The following CDKAL1 variants were observed in gnomAD, a reference collection of about 807,000 sequenced individuals.
CDKAL1 encodes CDKAL1 threonylcarbamoyladenosine tRNA methylthiotransferase.
A neutral mutation model predicts 68.2 loss-of-function variants in CDKAL1; 32 were observed. The ratio of observed to expected loss-of-function variants is 0.47; its 90% confidence interval spans 0.35 to 0.63. The LOEUF (loss-of-function observed/expected upper bound fraction) is 0.63, where lower values mean the gene tolerates loss of function less well. CDKAL1 is among the 30% of genes least tolerant of loss of function. The pLI is 0.00. For synonymous variants in CDKAL1, 234 were observed against 244.3 expected (o/e 0.96, Z 0.39); for missense variants, 606 against 696.7 (o/e 0.87, Z 1.47).
At chr6:20,955,346 A>G in intron 9 of CDKAL1, 73 bp from the exon 10 acceptor site, 1 of 1,462,586 alleles carries the variant, frequency 6.8e-7, no homozygotes. Context: ...ACTGCATTAA[A>G]AACAGTGAGC....
chr6:20,575,441 C>CAAAAAAAAAAAA (rs57442477), intron 4 of CDKAL1, among the ~76,000 whole-genome samples: 4 of 94,330 alleles, frequency 4.2e-5, no homozygotes, highest in Non-Finnish European at 6.5e-5. Context: ...AGGGGCACCA[C>CAAAAAAAAAAAA]AAAAAAAAAA....
chr6:20,805,025 T>TA (rs1326430676), intron 8 of CDKAL1, among the ~76,000 whole-genome samples: 1 of 152,016 alleles, frequency 6.6e-6, no homozygotes, highest in Non-Finnish European at 1.5e-5. Flanking sequence ...ACCCTGCCTC[T>TA]AAAAAACAAA....
At chr6:20,552,975 T>C (rs1763891863) in intron 4 of CDKAL1, among the ~76,000 whole-genome samples, 1 of 152,206 alleles carries the variant, frequency 6.6e-6, no homozygotes, top group Non-Finnish European at 1.5e-5. Context: ...TAGTTGATAA[T>C]GTTTTCGTTA....
rs371656162 is a variant in CDKAL1, at chr6:21,107,239, G to A, written c.1237-1162G>A. Among the ~76,000 whole-genome samples, 56 of 152,044 alleles carry A rather than the reference G, an allele frequency of 3.7e-4. No individual in the cohort carries two copies. The East Asian group carries it at 8.2e-3, about 22-fold the overall frequency. On this transcript the variant is annotated intron_variant, in intron 12 of 15. Transcript: ENST00000274695. ...TGGGATTACAGGCGTGAGCCACCGT[G>A]CCCGGCCAAAAAAGCCACTTTTATA...
At chr6:20,809,111 A>G (rs1288324899) in intron 8 of CDKAL1, among the ~76,000 whole-genome samples, 3 of 152,208 alleles carry the variant, frequency 2.0e-5, no homozygotes, top group Non-Finnish European at 4.4e-5. Context: ...AGTGGAAAGC[A>G]TAACAAAATC....
intron 10 of CDKAL1, among the ~76,000 whole-genome samples, chr6:20,996,416 A>C (rs1327071153): frequency 1.3e-5 from 2 of 152,212 alleles, no homozygotes; most frequent in East Asian, 3.8e-4. Context: ...TTACAGTGAG[A>C]AACGTGGGAC....
chr6:20,762,457 A>G (rs1581530704), intron 7 of CDKAL1, among the ~76,000 whole-genome samples: 1 of 152,168 alleles, frequency 6.6e-6, no homozygotes, highest in East Asian at 1.9e-4. Context: ...AAGGAGTTAC[A>G]TGATGTTTTT....
At chr6:20,715,093 T>G (rs1323374374) in intron 5 of CDKAL1, among the ~76,000 whole-genome samples, 1 of 152,210 alleles carries the variant, frequency 6.6e-6, no homozygotes, top group Non-Finnish European at 1.5e-5. Context: ...TTAGCAAAAA[T>G]TCTGAATATA....
At chr6:20,986,405 A>G (rs1766453025) in intron 10 of CDKAL1, among the ~76,000 whole-genome samples, 1 of 151,974 alleles carries the variant, frequency 6.6e-6, no homozygotes, top group Non-Finnish European at 1.5e-5. Context: ...TTTTTATTCT[A>G]TTTTTCTCAA....
intron 4 of CDKAL1, among the ~76,000 whole-genome samples, chr6:20,563,869 A>G (rs1394628426): frequency 6.6e-6 from 1 of 152,182 alleles, no homozygotes; most frequent in Non-Finnish European, 1.5e-5. Flanking sequence ...AAATTTGTTC[A>G]TTGCTTATAA....
Position 20,582,830 on chromosome 6 carries a change from T to C in CDKAL1, c.286+34125T>C, listed in dbSNP as rs111802498. Among the ~76,000 whole-genome samples the C allele has an allele frequency of 6.8e-3, 1,040 of 152,312 alleles. 5 individuals carry two copies. Among genetic ancestry groups the C allele is most frequent in the Non-Finnish European group, 0.011 (751 of 68,008 alleles). ...GCAATATCCCTAGGAGTTAAATCTG[T>C]GTTAAATCTCATCGCAGCTTTTACT... On this transcript the variant is annotated intron_variant, in intron 4 of 15. Coordinates refer to ENST00000274695, the MANE Select transcript of CDKAL1 (RefSeq NM_017774.3).
intron 9 of CDKAL1, among the ~76,000 whole-genome samples, chr6:20,915,180 G>A (rs1581821792): frequency 6.7e-6 from 1 of 149,030 alleles, no homozygotes; most frequent in African/African-American, 2.5e-5. Context: ...AAAAAAAAAA[G>A]GAAGAAAGAA....
intron 11 of CDKAL1, among the ~76,000 whole-genome samples, chr6:21,021,517 A>T (rs1041675401): frequency 1.3e-5 from 2 of 152,312 alleles, no homozygotes; most frequent in East Asian, 1.9e-4. Context: ...CATTGAAAAT[A>T]TTTTATTTTC....
In CDKAL1 at chr6:21,151,770, T is replaced by TA. The variant is rs571887129; in HGVS notation, c.1299+43308dup. On this transcript the variant is annotated intron_variant, in intron 13 of 15. Transcript: ENST00000274695. ...ACTTTTCAGGACAAGAGCCATATCTTACATTTCTCTAAATCCTCTGCAGTG... is the reference window on the plus strand; with the variant it reads ...ACTTTTCAGGACAAGAGCCATATCTTAACATTTCTCTAAATCCTCTGCAGTG... Among the ~76,000 whole-genome samples the TA allele has an allele frequency of 1.2e-4, 18 of 152,364 alleles. No homozygotes were observed. The East Asian group carries it at 3.5e-3, about 29-fold the overall frequency.
At chr6:21,170,421 C>T (rs1777333032) in intron 13 of CDKAL1, among the ~76,000 whole-genome samples, 1 of 152,144 alleles carries the variant, frequency 6.6e-6, no homozygotes, top group Non-Finnish European at 1.5e-5. Context: ...CCTCCAGCCC[C>T]TAGGTTCAAG....
chr6:20,986,336 A>G (rs556776356), intron 10 of CDKAL1, among the ~76,000 whole-genome samples: 1 of 152,308 alleles, frequency 6.6e-6, no homozygotes, highest in East Asian at 1.9e-4. Context: ...TTGTTTCAAG[A>G]TGATAGCAAG....
chr6:21,060,399 A>T (rs928951635), intron 11 of CDKAL1, among the ~76,000 whole-genome samples: 2 of 152,138 alleles, frequency 1.3e-5, no homozygotes, highest in Non-Finnish European at 2.9e-5. Context: ...CCCATCCTTC[A>T]TGCCTAAAGC....
chr6:20,750,450 G>A (rs928951614), intron 6 of CDKAL1, among the ~76,000 whole-genome samples: 1 of 152,144 alleles, frequency 6.6e-6, no homozygotes, highest in East Asian at 1.9e-4. Context: ...GTGATTTGTG[G>A]GGGAGAGTTT....
At chr6:21,114,282 G>A (rs1774287969) in intron 13 of CDKAL1, among the ~76,000 whole-genome samples, 1 of 150,258 alleles carries the variant, frequency 6.7e-6, no homozygotes, top group African/African-American at 2.4e-5. Context: ...CAAAAGAGTG[G>A]TTGAATAAGT....
Sources: gnomAD v4.1 joint callset for allele counts (sites outside exome capture counted in the v4.1 genomes callset) on GRCh38, gnomAD v4.1.1 for gene constraint, MANE v1.5 for transcripts, NCBI Gene and HGNC (gene_info 2026-07-23, HGNC 2026-07-21) for gene names.